AP3B1: variants seen among roughly 807,000 people sequenced by gnomAD.
AP3B1 encodes the protein AP-3 complex subunit beta-1.
Under a neutral mutation model 132.5 loss-of-function variants are expected in AP3B1, and 61 were observed. The observed-to-expected ratio is 0.46, with a 90% CI of 0.37 to 0.57. The LOEUF (loss-of-function observed/expected upper bound fraction) is 0.57, where lower values mean the gene tolerates loss of function less well. Ranked by LOEUF, AP3B1 falls within the 20% of genes least tolerant of loss-of-function variation. The probability of loss-of-function intolerance (pLI) is 0.00; values close to 1 mark genes in which losing one functional copy is unlikely to be tolerated. For synonymous variants in AP3B1, 388 were observed against 438.3 expected, an observed-to-expected ratio of 0.89 and a Z score of 1.43; for missense variants, 1,120 against 1,289.4, an observed-to-expected ratio of 0.87 and a Z score of 2.01.
chr5:78,034,821 T>C (rs1465755601), intron 23 of AP3B1, among the ~76,000 whole-genome samples: 1 of 151,936 alleles, frequency 6.6e-6, no homozygotes, highest in African/African-American at 2.4e-5. Flanking sequence ...CATAAGAGGT[T>C]ATGTACTTAA....
chr5:78,097,826 T>A (rs1189342676), intron 21 of AP3B1, among the ~76,000 whole-genome samples: 1 of 152,180 alleles, frequency 6.6e-6, no homozygotes, highest in Non-Finnish European at 1.5e-5. Context: ...GGTGGTTTTG[T>A]GGAATAGAAA....
intron 12 of AP3B1, 112 bp from the exon 13 acceptor site, chr5:78,163,063 C>A: frequency 9.8e-7 from 1 of 1,018,368 alleles, no homozygotes; most frequent in Non-Finnish European, 1.5e-6. Context: ...ATAAACTTCT[C>A]ATAAGCACAA....
intron 21 of AP3B1, among the ~76,000 whole-genome samples, chr5:78,097,447 C>T (rs1228313698): frequency 3.1e-5 from 4 of 129,188 alleles, no homozygotes; most frequent in Admixed American, 7.4e-5. Context: ...TCTGCCCGGC[C>T]GCCCCTACTG....
At chr5:78,029,155 T>G (rs1437973220) in intron 24 of AP3B1, among the ~76,000 whole-genome samples, 4 of 152,312 alleles carry the variant, frequency 2.6e-5, no homozygotes. Flanking sequence ...CTCTCTGATT[T>G]GTCCATTTCT....
chr5:78,125,277 C>A (rs1043954442), intron 17 of AP3B1, among the ~76,000 whole-genome samples: 1 of 151,966 alleles, frequency 6.6e-6, no homozygotes, highest in Admixed American at 6.6e-5. Context: ...ATCCTATATC[C>A]TAGAAATGGT....
chr5:78,071,387 A>C (rs1188070069), intron 22 of AP3B1, among the ~76,000 whole-genome samples: 1 of 152,128 alleles, frequency 6.6e-6, no homozygotes, highest in Non-Finnish European at 1.5e-5. Context: ...GGAATGGAAC[A>C]ACACCCACTG....
At chr5:78,193,095 T>C (rs1354012808) in intron 7 of AP3B1, among the ~76,000 whole-genome samples, 3 of 152,198 alleles carry the variant, frequency 2.0e-5, no homozygotes, top group South Asian at 4.1e-4. Context: ...TATTTTTATA[T>C]TGTGTTTAAA....
chr5:78,137,416 T>C (rs1752966834), intron 15 of AP3B1, among the ~76,000 whole-genome samples: 1 of 152,192 alleles, frequency 6.6e-6, no homozygotes, highest in Admixed American at 6.5e-5. Context: ...CTCTCCTTTC[T>C]ACTATTTTTC....
intron 15 of AP3B1, among the ~76,000 whole-genome samples, chr5:78,140,351 G>A (rs144258540): frequency 6.6e-6 from 1 of 152,098 alleles, no homozygotes; most frequent in Admixed American, 6.5e-5. Context: ...AGTCCATTTG[G>A]GCTACTGTTA....
chr5:78,216,215 A>G lies in AP3B1; in HGVS notation c.626T>C (p.Met209Thr), dbSNP rs773530514. 3.7e-6 allele frequency: 6 copies of G among 1,614,036 alleles called. No individual in the cohort carries two copies. The highest frequency in any genetic ancestry group is 5.1e-6 in the Non-Finnish European group (6 of 1,179,944). ...KSTLVAGSVV[M>T]AFEEVCPDRI... is the part of the protein sequence containing the mutation. Reference sequence around the variant, plus strand: ...GTCCGGGCATACTTCTTCAAAAGCCATCACAACACTGCCAGCTACCAACTA... The same window carrying G: ...GTCCGGGCATACTTCTTCAAAAGCCGTCACAACACTGCCAGCTACCAACTA... Residue 209 changes from methionine (M) to threonine (T), a missense_variant, in exon 7 of 27, where the codon ATG becomes ACG. Met to Thr is a moderately conservative substitution (Grantham distance 81). This residue lies in a region of AP3B1 where 129 missense variants were observed against 212.4 expected (regional missense o/e 0.61). Coordinates refer to ENST00000255194, the MANE Select transcript of AP3B1 (RefSeq NM_003664.5).
chr5:78,169,913 A>G (rs1743836903), intron 11 of AP3B1, among the ~76,000 whole-genome samples: 3 of 152,020 alleles, frequency 2.0e-5, no homozygotes, highest in Admixed American at 2.0e-4. Context: ...CACAGCCCAC[A>G]AACCCCTGAC....
chr5:78,039,794 A>G (rs1437875699), intron 22 of AP3B1, among the ~76,000 whole-genome samples: 14 of 136,640 alleles, frequency 1.0e-4, no homozygotes, highest in East Asian at 3.9e-4. Context: ...AAAAAAAAAG[A>G]AAAGAAAAGA....
chr5:78,262,247 ACT>A (rs1491292959), intron 2 of AP3B1, among the ~76,000 whole-genome samples: 57 of 152,186 alleles, frequency 3.7e-4, no homozygotes, highest in African/African-American at 1.3e-3. Context: ...CAAATAATCT[ACT>A]TTTTTTTTAC....
At chr5:78,275,411 C>T (rs568019450) in intron 1 of AP3B1, among the ~76,000 whole-genome samples, 7 of 152,274 alleles carry the variant, frequency 4.6e-5, no homozygotes, top group African/African-American at 1.7e-4. Flanking sequence ...TCTAAATTTA[C>T]AGTTTCCATG....
chr5:78,228,743 G>A (rs1047548555), intron 3 of AP3B1, among the ~76,000 whole-genome samples: 1 of 152,104 alleles, frequency 6.6e-6, no homozygotes, highest in African/African-American at 2.4e-5. Flanking sequence ...TATATGTTAT[G>A]GGAACTTGTT....
chr5:78,065,963 G>C (rs1749271845), intron 22 of AP3B1, among the ~76,000 whole-genome samples: 1 of 152,182 alleles, frequency 6.6e-6, no homozygotes, highest in Non-Finnish European at 1.5e-5. Flanking sequence ...AGAGGAAAGA[G>C]AAGGCAGCCA....
At chr5:78,125,824 T>C (rs1189120571) in intron 17 of AP3B1, among the ~76,000 whole-genome samples, 7 of 152,150 alleles carry the variant, frequency 4.6e-5, no homozygotes, top group Non-Finnish European at 1.0e-4. Flanking sequence ...ACGAACATAA[T>C]ATGTTATATT....
chr5:78,058,161 T>C (rs935895356), intron 22 of AP3B1, among the ~76,000 whole-genome samples: 2 of 152,244 alleles, frequency 1.3e-5, no homozygotes, highest in Admixed American at 6.5e-5. Context: ...ATTCATTTCA[T>C]TTGAGATTTA....
chr5:78,227,304 G>A, intron 5 of AP3B1, 68 bp downstream of exon 5: 1 of 1,488,320 alleles, frequency 6.7e-7, no homozygotes, highest in Non-Finnish European at 9.4e-7. Flanking sequence ...AATAAAACAA[G>A]CCTCTGTGGT....
Sources: gnomAD v4.1 joint callset for allele counts (sites outside exome capture counted in the v4.1 genomes callset) on GRCh38, gnomAD v4.1.1 for gene constraint, gnomAD v4.1.1 regional missense constraint, MANE v1.5 for transcripts, NCBI Gene and HGNC (gene_info 2026-07-23, HGNC 2026-07-21) for gene names.